VWA3A: variants seen among roughly 807,000 people sequenced by gnomAD.
VWA3A encodes von Willebrand factor A domain-containing protein 3A.
A neutral mutation model predicts 160.4 loss-of-function variants in VWA3A; 134 were observed. The observed-to-expected ratio is 0.84, with a 90% CI of 0.73 to 0.96. The LOEUF is 0.96. Among genes scored for constraint, VWA3A ranks in the 40% least tolerant of loss-of-function variants. The pLI is 0.00. For missense variants in VWA3A, 1,310 were observed against 1,447.9 expected (o/e 0.90, Z 1.55); for synonymous variants, 476 against 543.4 (o/e 0.88, Z 1.72).
At chr16:22,131,109 A>C (rs2045938498) in intron 17 of VWA3A, 96 bp from the exon 18 acceptor site, 4 of 1,091,880 alleles carry the variant, frequency 3.7e-6, no homozygotes, top group South Asian at 1.4e-5. Context: ...ATCTCATCAG[A>C]ATTTTGTCCC....
intron 26 of VWA3A, among the ~76,000 whole-genome samples, chr16:22,145,234 A>G (rs992518685): frequency 5.3e-5 from 8 of 152,216 alleles, no homozygotes; most frequent in Admixed American, 3.3e-4. Flanking sequence ...ATTATTCACT[A>G]GAGGAATATA....
At position 22,109,463 on chromosome 16, in the gene VWA3A, AT is replaced by A; in HGVS notation, c.484-18del. The A allele has an allele frequency of 6.4e-7, 1 of 1,568,748 alleles. No individual in the cohort carries two copies. Among genetic ancestry groups the A allele is most frequent in the Non-Finnish European group, 8.6e-7 (1 of 1,156,686 alleles). On this transcript the variant is annotated intron_variant, in intron 6 of 33. Transcript: ENST00000389398. ...ACAGACTTGCACTGGCTGTTTCCAA[AT>A]GCCCTCTTTGGTTTTAGGCATTTGG...
At chr16:22,103,194 C>T (rs117491702) in intron 5 of VWA3A, among the ~76,000 whole-genome samples, 11 of 152,138 alleles carry the variant, frequency 7.2e-5, no homozygotes, top group Admixed American at 1.3e-4. Flanking sequence ...CCACCATACC[C>T]AGCAAATTTT....
chr16:22,148,051 A>G (rs2046284671), intron 27 of VWA3A, 111 bp from the exon 28 acceptor site: 1 of 1,328,934 alleles, frequency 7.5e-7, no homozygotes, highest in Non-Finnish European at 1.0e-6. Context: ...ATGATCAGGC[A>G]GGCAACAGGT....
intron 25 of VWA3A, among the ~76,000 whole-genome samples, chr16:22,143,475 G>A (rs2046189813): frequency 6.6e-6 from 1 of 152,118 alleles, no homozygotes; most frequent in Admixed American, 6.5e-5. Context: ...TGCCATCCCT[G>A]GCTGCTTTGA....
At chr16:22,104,083 G>A (rs570132548) in intron 6 of VWA3A, among the ~76,000 whole-genome samples, 2 of 152,332 alleles carry the variant, frequency 1.3e-5, no homozygotes, top group South Asian at 2.1e-4. Context: ...CCAGAAGGGG[G>A]AATGGGTGCT....
At chr16:22,140,069 G>A (rs2046116187) in intron 22 of VWA3A, 85 bp from the exon 23 acceptor site, 1 of 1,384,788 alleles carries the variant, frequency 7.2e-7, no homozygotes, top group Admixed American at 2.0e-5. Flanking sequence ...AAAAGTTCCT[G>A]ATTGACAAAT....
At chr16:22,116,415 G>C (rs561371788) in intron 9 of VWA3A, 1 of 391,606 alleles carries the variant, frequency 2.6e-6, no homozygotes, top group African/African-American at 2.2e-5. Flanking sequence ...GAAAAACAAA[G>C]GAAAAAGGAA....
At chr16:22,148,086 A>G in intron 27 of VWA3A, 76 bp from the exon 28 acceptor site, 5 of 1,475,872 alleles carry the variant, frequency 3.4e-6, no homozygotes, top group Non-Finnish European at 4.5e-6. Context: ...TACTTGATAG[A>G]TAGAGTGAGG....
At chr16:22,151,697 T>C (rs1029377809) in intron 30 of VWA3A, among the ~76,000 whole-genome samples, 2 of 151,448 alleles carry the variant, frequency 1.3e-5, no homozygotes, top group Non-Finnish European at 2.9e-5. Flanking sequence ...CATAGCAAGA[T>C]TCCATCTCTA....
chr16:22,106,755 G>A (rs1235366716), intron 6 of VWA3A, among the ~76,000 whole-genome samples: 1 of 152,218 alleles, frequency 6.6e-6, no homozygotes, highest in African/African-American at 2.4e-5. Context: ...TAACTTGACT[G>A]CACAGGGGGT....
chr16:22,098,067 A>C (rs913473818), intron 3 of VWA3A, among the ~76,000 whole-genome samples: 3 of 152,160 alleles, frequency 2.0e-5, no homozygotes, highest in Admixed American at 1.3e-4. Context: ...CTGTTGGACA[A>C]ATGGGGTATG....
chr16:22,144,222 A>G (rs1433764427), intron 25 of VWA3A, 25 bp from the exon 26 acceptor site: 3 of 1,598,276 alleles, frequency 1.9e-6, no homozygotes, highest in East Asian at 2.2e-5. Context: ...TGCCTAAGAT[A>G]ATAGTTCTTT....
intron 6 of VWA3A, among the ~76,000 whole-genome samples, chr16:22,108,154 C>T (rs1013525134): frequency 3.3e-5 from 5 of 151,966 alleles, no homozygotes; most frequent in East Asian, 1.9e-4. Context: ...AATGGGTCCC[C>T]GGGAGGTAAG....
intron 9 of VWA3A, 95 bp downstream of exon 9, chr16:22,115,567 C>T (rs1173203943): frequency 2.2e-6 from 3 of 1,381,310 alleles, no homozygotes; most frequent in East Asian, 2.6e-5. Flanking sequence ...CACAGTGGCT[C>T]ATGCCTGTAA....
At chr16:22,115,495 G>A in intron 9 of VWA3A, 23 bp downstream of exon 9, 1 of 1,582,846 alleles carries the variant, frequency 6.3e-7, no homozygotes, top group Non-Finnish European at 8.6e-7. Context: ...TCCTAAGCAG[G>A]TGACATACTA....
chr16:22,122,784 T>C (rs1321687195), intron 14 of VWA3A, among the ~76,000 whole-genome samples: 3 of 152,154 alleles, frequency 2.0e-5, no homozygotes, highest in African/African-American at 7.2e-5. Flanking sequence ...TTCATGACTC[T>C]GATGTTCAGA....
At chr16:22,146,674 C>G (rs539522217) in intron 27 of VWA3A, among the ~76,000 whole-genome samples, 1 of 152,124 alleles carries the variant, frequency 6.6e-6, no homozygotes, top group Admixed American at 6.5e-5. Flanking sequence ...ATCCCAGCTA[C>G]TCAGGAGGCT....
chr16:22,123,488 T>C, intron 15 of VWA3A, 125 bp from the exon 16 acceptor site: 1 of 1,586,102 alleles, frequency 6.3e-7, no homozygotes, highest in Admixed American at 1.8e-5. Context: ...ATGATTATAC[T>C]GCCTGGATTC....
Sources: gnomAD v4.1 joint callset for allele counts (sites outside exome capture counted in the v4.1 genomes callset) on GRCh38, gnomAD v4.1.1 for gene constraint, MANE v1.5 for transcripts, NCBI Gene and HGNC (gene_info 2026-07-23, HGNC 2026-07-21) for gene names.